FBXL17: variants seen among roughly 807,000 people sequenced by gnomAD.
FBXL17 encodes the protein F-box and leucine rich repeat protein 17, also known as F-box/LRR-repeat protein 17.
A neutral mutation model predicts 66.2 loss-of-function variants in FBXL17; 22 were observed. The observed-to-expected ratio is 0.33, with a 90% CI of 0.24 to 0.47. The LOEUF (loss-of-function observed/expected upper bound fraction) is 0.47. FBXL17 is among the 20% of genes least tolerant of loss of function. FBXL17 has a pLI of 1.00. For missense variants in FBXL17, 878 were observed against 948.2 expected, an observed-to-expected ratio of 0.93 and a Z score of 0.97; for synonymous variants, 474 against 400.5, an observed-to-expected ratio of 1.18 and a Z score of -2.19.
At chr5:107,938,491 T>C (rs1750983701) in intron 7 of FBXL17, among the ~76,000 whole-genome samples, 1 of 152,134 alleles carries the variant, frequency 6.6e-6, no homozygotes, top group African/African-American at 2.4e-5. Context: ...CAAACTGTAG[T>C]CAGAAGAAGT....
chr5:107,957,042 G>A lies in FBXL17; in HGVS notation c.1822+63883C>T, dbSNP rs114447547. Among the ~76,000 whole-genome samples, 1,470 of 152,268 alleles carry A rather than the reference G, an allele frequency of 9.7e-3. 9 individuals are homozygous for A. The highest frequency in any genetic ancestry group is 0.034 in the Middle Eastern group (10 of 294). ...TGTAATTTGCCACCTTCAGTACTGTGAGGTTGACTCCTTTAATTTGAGATT... is the reference window on the plus strand; with the variant it reads ...TGTAATTTGCCACCTTCAGTACTGTAAGGTTGACTCCTTTAATTTGAGATT... On this transcript the variant is annotated intron_variant, in intron 7 of 8. Transcript: ENST00000542267.
chr5:108,364,917 T>A lies in FBXL17; in HGVS notation c.1195A>T (p.Met399Leu), dbSNP rs994547629. ...IEINISDCRSMSDNGVCVLAF... is the reference protein window; with the variant it reads ...IEINISDCRSLSDNGVCVLAF... ...AAAACACATACGCCATTATCAGACA[T>A]ACTGCGACAATCAGAAATGTTGATT... Residue 399 changes from methionine (M) to leucine (L), a missense_variant, in exon 3 of 9, where the codon ATG becomes TTG. Coordinates refer to ENST00000542267, the MANE Select transcript of FBXL17 (RefSeq NM_001163315.3). 2 of 1,612,656 alleles carry A rather than the reference T, an allele frequency of 1.2e-6. No homozygotes were observed. Among genetic ancestry groups the A allele is most frequent in the African/African-American group, 2.7e-5 (2 of 74,880 alleles).
chr5:107,882,624 A>C (rs1298820676), intron 7 of FBXL17, among the ~76,000 whole-genome samples: 1 of 152,168 alleles, frequency 6.6e-6, no homozygotes, highest in Non-Finnish European at 1.5e-5. Flanking sequence ...AAATGGTCTG[A>C]ATACTATTTT....
At chr5:108,076,714 C>A (rs1434500201) in intron 6 of FBXL17, among the ~76,000 whole-genome samples, 4 of 152,092 alleles carry the variant, frequency 2.6e-5, no homozygotes, top group Admixed American at 2.0e-4. Context: ...AATGTCCCCT[C>A]CCCTTTCTAC....
intron 4 of FBXL17, among the ~76,000 whole-genome samples, chr5:108,324,146 AC>A (rs1192531601): frequency 6.6e-6 from 1 of 152,028 alleles, no homozygotes; most frequent in Non-Finnish European, 1.5e-5. Flanking sequence ...AGACAAGGAA[AC>A]CTATGGAATG....
chr5:107,948,302 T>A (rs1751380795), intron 7 of FBXL17, among the ~76,000 whole-genome samples: 1 of 152,198 alleles, frequency 6.6e-6, no homozygotes, highest in Non-Finnish European at 1.5e-5. Context: ...CTTATCTAAT[T>A]TGTATTTTTA....
chr5:108,167,852 G>A (rs1196835650), intron 6 of FBXL17, among the ~76,000 whole-genome samples: 7 of 152,116 alleles, frequency 4.6e-5, no homozygotes. Flanking sequence ...ACAGCTTTAA[G>A]AAAGGGAAGA....
intron 3 of FBXL17, among the ~76,000 whole-genome samples, chr5:108,349,702 T>C (rs983686302): frequency 2.0e-5 from 3 of 152,310 alleles, no homozygotes; most frequent in South Asian, 2.1e-4. Flanking sequence ...ATCAGGATTA[T>C]GCACTATAAA....
At chr5:108,084,758 A>G (rs1467413149) in intron 6 of FBXL17, among the ~76,000 whole-genome samples, 1 of 152,228 alleles carries the variant, frequency 6.6e-6, no homozygotes, top group East Asian at 1.9e-4. Flanking sequence ...CACTTAGTAA[A>G]GGCAGAGAAA....
intron 4 of FBXL17, among the ~76,000 whole-genome samples, chr5:108,302,354 C>T (rs1168490413): frequency 1.3e-5 from 2 of 151,726 alleles, no homozygotes. Flanking sequence ...GTGCTTCAAA[C>T]AAAATCCCAA....
intron 7 of FBXL17, among the ~76,000 whole-genome samples, chr5:108,005,068 T>C (rs969912103): frequency 1.3e-5 from 2 of 151,580 alleles, no homozygotes; most frequent in African/African-American, 4.9e-5. Context: ...CAAAGCAAAT[T>C]GCTAGAGTGT....
intron 6 of FBXL17, among the ~76,000 whole-genome samples, chr5:108,099,285 G>C (rs1749510657): frequency 6.6e-6 from 1 of 152,154 alleles, no homozygotes; most frequent in East Asian, 1.9e-4. Context: ...AACATTGTAG[G>C]GGGGCAGTAT....
chr5:108,365,114 T>C, intron 2 of FBXL17, 119 bp from the exon 3 acceptor site: 1 of 665,310 alleles, frequency 1.5e-6, no homozygotes, highest in Non-Finnish European at 2.5e-6. Flanking sequence ...ATGAACGATA[T>C]AATCAAAAGA....
chr5:107,991,647 A>T (rs1753254074), intron 7 of FBXL17, among the ~76,000 whole-genome samples: 1 of 152,230 alleles, frequency 6.6e-6, no homozygotes, highest in Non-Finnish European at 1.5e-5. Context: ...GAAGGTGGCC[A>T]CGACAGTTTG....
rs568916717 is a variant in FBXL17, at chr5:107,934,261, G to A, written c.1823-53082C>T. Among the ~76,000 whole-genome samples the A allele has an allele frequency of 6.6e-5, 10 of 152,172 alleles. No individual in the cohort carries two copies. In the South Asian group the frequency reaches 1.2e-3, roughly 19 times the overall value. On this transcript the variant is annotated intron_variant, in intron 7 of 8. Coordinates refer to ENST00000542267, the MANE Select transcript of FBXL17 (RefSeq NM_001163315.3). Reference sequence around the variant, plus strand: ...TCTCAAAAATGGCATATTTAATTGCGTATATTGCACTGTGAACTTCGAGAA... The same window carrying A: ...TCTCAAAAATGGCATATTTAATTGCATATATTGCACTGTGAACTTCGAGAA...
intron 7 of FBXL17, among the ~76,000 whole-genome samples, chr5:108,009,240 G>T (rs1424181419): frequency 9.6e-5 from 1 of 10,414 alleles, no homozygotes; most frequent in African/African-American, 3.4e-4. Flanking sequence ...TATACAGCTT[G>T]GTCGTGAGTT....
chr5:108,236,123 A>T (rs1168764048), intron 4 of FBXL17, among the ~76,000 whole-genome samples: 4 of 152,180 alleles, frequency 2.6e-5, no homozygotes, highest in Admixed American at 1.3e-4. Context: ...AGGCAGTAGA[A>T]TCACTTGAGC....
chr5:108,129,903 A>AT (rs1284965947), intron 6 of FBXL17, among the ~76,000 whole-genome samples: 1 of 148,464 alleles, frequency 6.7e-6, no homozygotes, highest in East Asian at 2.0e-4. Flanking sequence ...TAAATAACCC[A>AT]TTTTTTAACC....
At chr5:107,945,854 T>C (rs1751263066) in intron 7 of FBXL17, among the ~76,000 whole-genome samples, 1 of 152,144 alleles carries the variant, frequency 6.6e-6, no homozygotes, top group Non-Finnish European at 1.5e-5. Context: ...GATGTTTGTA[T>C]ACTATTCTCC....
Sources: allele counts gnomAD v4.1 joint callset (sites outside exome capture counted in the v4.1 genomes callset), GRCh38; gene constraint gnomAD v4.1.1; transcripts MANE v1.5; gene names NCBI Gene and HGNC (gene_info 2026-07-23, HGNC 2026-07-21).